Variants in FCHO2 observed in about 807,000 individuals in gnomAD.
The protein encoded by FCHO2 is FCH and mu domain containing endocytic adaptor 2.
Under a neutral mutation model 114.1 loss-of-function variants are expected in FCHO2, and 43 were observed. The observed-to-expected ratio is 0.38, with a 90% confidence interval of 0.30 to 0.49. The LOEUF (loss-of-function observed/expected upper bound fraction) is 0.49. Ranked by LOEUF, FCHO2 falls within the 20% of genes least tolerant of loss-of-function variation. FCHO2 has a pLI of 0.97. For synonymous variants in FCHO2, 293 were observed against 315.2 expected, an observed-to-expected ratio of 0.93 and a Z score of 0.75; for missense variants, 807 against 950.4, an observed-to-expected ratio of 0.85 and a Z score of 1.98.
rs111289236 is a variant in FCHO2 at position 73,046,889 on chromosome 5, T to A, written c.940-4460T>A. ...ATTTAGTCTGGAAGTGATAGTCACA[T>A]AAATGCTGCCCTCAGTTCTCCCTAA... is the stretch of plus-strand genomic sequence containing the variant. On this transcript the variant is annotated intron_variant, in intron 11 of 25. Coordinates refer to ENST00000430046, the MANE Select transcript of FCHO2 (RefSeq NM_138782.3). Among the ~76,000 whole-genome samples the A allele has an allele frequency of 7.6e-3, 1,163 of 152,320 alleles. 13 individuals are homozygous for A. Among genetic ancestry groups the A allele is most frequent in the African/African-American group, 0.027 (1,114 of 41,566 alleles).
chr5:73,054,660 CCTACTGCGTGG>C (rs1196261513), intron 15 of FCHO2, 111 bp downstream of exon 15: 12 of 725,798 alleles, frequency 1.7e-5, no homozygotes, highest in Non-Finnish European at 2.5e-5. Context: ...CATCATGAGC[CCTACTGCGTGG>C]CTAGAAGGAT....
intron 9 of FCHO2, among the ~76,000 whole-genome samples, chr5:73,035,492 T>C (rs1756453316): frequency 6.6e-6 from 1 of 152,106 alleles, no homozygotes; most frequent in Non-Finnish European, 1.5e-5. Context: ...CTAAGGTCTC[T>C]ACTGCTCTCT....
At chr5:73,048,889 T>G (rs2112828261) in intron 11 of FCHO2, among the ~76,000 whole-genome samples, 1 of 146,228 alleles carries the variant, frequency 6.8e-6, no homozygotes, top group East Asian at 2.0e-4. Context: ...TTTTTTTTTT[T>G]TTTTTGAGAC....
intron 1 of FCHO2, among the ~76,000 whole-genome samples, chr5:72,967,019 C>T (rs749837311): frequency 3.3e-5 from 5 of 152,228 alleles, no homozygotes; most frequent in Non-Finnish European, 7.3e-5. Context: ...GGCATAGTAG[C>T]TCACACCTGT....
intron 14 of FCHO2, 39 bp from the exon 15 acceptor site, chr5:73,054,477 TATCAAATTC>T (rs1204676787): frequency 1.4e-6 from 2 of 1,481,226 alleles, no homozygotes; most frequent in African/African-American, 2.8e-5. Context: ...AATATTTAAT[TATCAAATTC>T]ATTTGTTTTA....
At position 73,090,494 on chromosome 5, in the gene FCHO2, C is replaced by A. The variant is rs1159680314; in HGVS notation, c.*2404C>A. 1 of 152,344 alleles carries A rather than the reference C, an allele frequency of 6.6e-6. No individual in the cohort carries two copies. The highest frequency in any genetic ancestry group is 2.1e-4 in the South Asian group (1 of 4,818). The allele number at this position is 152,344 out of a possible 1,614,324, so 9.4% of individuals were successfully genotyped here. ...ATGTAAATTTTACATAAAAGTTGTG[C>A]TCTTAATAAACATGTAATATATAAT... On this transcript the variant is annotated 3_prime_UTR_variant, in exon 26 of 26. Coordinates refer to ENST00000430046, the MANE Select transcript of FCHO2 (RefSeq NM_138782.3).
chr5:73,070,342 C>A (rs1296932583), intron 19 of FCHO2, among the ~76,000 whole-genome samples: 1 of 152,094 alleles, frequency 6.6e-6, no homozygotes, highest in African/African-American at 2.4e-5. Flanking sequence ...ATGTCACCAT[C>A]TTATTACCTT....
Position 73,090,417 on chromosome 5 carries a change from A to C in FCHO2, c.*2327A>C, listed in dbSNP as rs1296135681. The C allele has an allele frequency of 6.6e-6, 1 of 152,644 alleles. No homozygotes were observed. Among genetic ancestry groups the C allele is most frequent in the African/African-American group, 2.4e-5 (1 of 41,470 alleles). The allele number at this position is 152,644 out of a possible 1,614,324, so 9.5% of individuals were successfully genotyped here. On this transcript the variant is annotated 3_prime_UTR_variant, in exon 26 of 26. Coordinates refer to ENST00000430046, the MANE Select transcript of FCHO2 (RefSeq NM_138782.3). ...ACTACTTTGGATTGTAATTAGAACA[A>C]TGCACATCTGTCTTCCAAGATTTTG...
chr5:73,082,892 T>TTA, intron 24 of FCHO2, 67 bp downstream of exon 24: 2 of 959,334 alleles, frequency 2.1e-6, no homozygotes. Flanking sequence ...TTTTTTTTTT[T>TTA]AAAACAGAGT....
At chr5:73,021,202 T>C in intron 8 of FCHO2, 1 of 756,804 alleles carries the variant, frequency 1.3e-6, no homozygotes, top group Non-Finnish European at 2.5e-6. Flanking sequence ...AGCAAGTGAT[T>C]TGACTGTGGG....
At chr5:73,007,607 G>A (rs759886816) in intron 6 of FCHO2, among the ~76,000 whole-genome samples, 1 of 152,160 alleles carries the variant, frequency 6.6e-6, no homozygotes, top group Non-Finnish European at 1.5e-5. Flanking sequence ...ATCTTAGAAA[G>A]CGAAGTCTTG....
chr5:72,966,915 T>A (rs746238436), intron 1 of FCHO2, among the ~76,000 whole-genome samples: 41 of 152,276 alleles, frequency 2.7e-4, no homozygotes, highest in Non-Finnish European at 5.9e-4. Context: ...TCTTTATGAT[T>A]TACTAATTAA....
chr5:73,019,016 A>G (rs1314769087), intron 8 of FCHO2, among the ~76,000 whole-genome samples: 1 of 152,208 alleles, frequency 6.6e-6, no homozygotes, highest in Non-Finnish European at 1.5e-5. Flanking sequence ...ACTGAAGTCT[A>G]AACTAAGCTG....
At chr5:73,057,078 G>A (rs1373555499) in intron 16 of FCHO2, among the ~76,000 whole-genome samples, 8 of 148,936 alleles carry the variant, frequency 5.4e-5, no homozygotes, top group African/African-American at 1.8e-4. Flanking sequence ...TCCCGCCCCT[G>A]TCTCCCAGCT....
At chr5:73,028,492 G>A (rs1756058073) in intron 8 of FCHO2, among the ~76,000 whole-genome samples, 2 of 151,946 alleles carry the variant, frequency 1.3e-5, no homozygotes, top group African/African-American at 2.4e-5. Flanking sequence ...ACAGATGAAC[G>A]GATAAACAAA....
intron 16 of FCHO2, among the ~76,000 whole-genome samples, 199 bp from the exon 17 acceptor site, chr5:73,058,234 C>T (rs1329371379): frequency 1.3e-5 from 2 of 152,116 alleles, no homozygotes; most frequent in East Asian, 1.9e-4. Flanking sequence ...TGATCTTGAA[C>T]TCCTAGTCTC....
chr5:72,976,969 T>G (rs1044900093), intron 2 of FCHO2, among the ~76,000 whole-genome samples: 1 of 152,216 alleles, frequency 6.6e-6, no homozygotes, highest in Non-Finnish European at 1.5e-5. Flanking sequence ...TGCTTTTTTA[T>G]GGCTGCGTAG....
At chr5:73,056,147 A>C in intron 16 of FCHO2, 40 bp downstream of exon 16, 2 of 1,452,576 alleles carry the variant, frequency 1.4e-6, no homozygotes, top group Non-Finnish European at 1.8e-6. Context: ...AATAGACTTT[A>C]TTTTTTAGAG....
intron 5 of FCHO2, among the ~76,000 whole-genome samples, chr5:72,995,142 C>G (rs955672410): frequency 1.3e-5 from 2 of 152,066 alleles, no homozygotes; most frequent in Admixed American, 6.5e-5. Flanking sequence ...AATGCTTTGT[C>G]AGTAAACAGA....
Sources: gnomAD v4.1 joint callset for allele counts (sites outside exome capture counted in the v4.1 genomes callset) on GRCh38, gnomAD v4.1.1 for gene constraint, MANE v1.5 for transcripts, NCBI Gene and HGNC (gene_info 2026-07-23, HGNC 2026-07-21) for gene names.